Variants in HDAC9 observed in about 807,000 individuals in gnomAD.
HDAC9 encodes the protein MEF-2 interacting transcription repressor (MITR) protein.
A neutral mutation model predicts 139.4 loss-of-function variants in HDAC9; 41 were observed. The ratio of observed to expected loss-of-function variants is 0.29; its 90% CI spans 0.23 to 0.38. The LOEUF (loss-of-function observed/expected upper bound fraction) is 0.38. Ranked by LOEUF, HDAC9 falls within the 10% of genes least tolerant of loss-of-function variation. HDAC9 has a pLI of 1.00. For synonymous variants in HDAC9, 517 were observed against 476.2 expected, an observed-to-expected ratio of 1.09 and a Z score of -1.12; for missense variants, 1,147 against 1,297.0, an observed-to-expected ratio of 0.88 and a Z score of 1.78.
At position 18,996,136 on chromosome 7, in the gene HDAC9, A is replaced by G. The variant is rs368185963; in HGVS notation, c.*74A>G. Reference sequence around the variant, plus strand: ...TCCCCCCACCCCAGTACCCTCAGACATGTCTTGTCTGCTGCCTGGGTGGCA... The same window carrying G: ...TCCCCCCACCCCAGTACCCTCAGACGTGTCTTGTCTGCTGCCTGGGTGGCA... On this transcript the variant is annotated 3_prime_UTR_variant, in exon 26 of 26. Coordinates refer to ENST00000686413, the MANE Select transcript of HDAC9 (RefSeq NM_178425.4). 14 of 1,134,294 alleles carry G rather than the reference A, an allele frequency of 1.2e-5. No homozygotes were observed. In the African/African-American group the frequency reaches 1.8e-4, roughly 15 times the overall value. The allele number at this position is 1,134,294 out of a possible 1,614,324, so 70.3% of individuals were successfully genotyped here.
At chr7:18,718,261 G>A (rs901361101) in intron 12 of HDAC9, among the ~76,000 whole-genome samples, 3 of 151,922 alleles carry the variant, frequency 2.0e-5, no homozygotes, top group Non-Finnish European at 2.9e-5. Context: ...AGATGGAGTC[G>A]CGCTCTGTCC....
chr7:18,935,277 A>G (rs1220548522), intron 22 of HDAC9, among the ~76,000 whole-genome samples: 1 of 152,146 alleles, frequency 6.6e-6, no homozygotes, highest in Non-Finnish European at 1.5e-5. Flanking sequence ...CATATTTTGC[A>G]TTTATCAAAT....
intron 1 of HDAC9, among the ~76,000 whole-genome samples, chr7:18,307,009 A>G (rs1016369883): frequency 1.3e-5 from 2 of 151,596 alleles, no homozygotes; most frequent in Non-Finnish European, 2.9e-5. Flanking sequence ...CATGTATTCT[A>G]TCTATTAATG....
At chr7:18,784,094 C>T (rs1396374725) in intron 16 of HDAC9, among the ~76,000 whole-genome samples, 1 of 150,936 alleles carries the variant, frequency 6.6e-6, no homozygotes, top group Non-Finnish European at 1.5e-5. Context: ...ATCTGTACCC[C>T]TTCTATATTC....
At chr7:18,321,516 T>C (rs1800030108) in intron 1 of HDAC9, among the ~76,000 whole-genome samples, 1 of 152,200 alleles carries the variant, frequency 6.6e-6, no homozygotes, top group Admixed American at 6.6e-5. Flanking sequence ...TTTTATATGC[T>C]TTTTAAAAAA....
At chr7:18,447,554 T>C (rs915194167) in intron 1 of HDAC9, among the ~76,000 whole-genome samples, 6 of 152,208 alleles carry the variant, frequency 3.9e-5, no homozygotes, top group African/African-American at 1.4e-4. Context: ...TAGGTTATAA[T>C]TTGAAATACA....
intron 21 of HDAC9, among the ~76,000 whole-genome samples, chr7:18,870,564 G>C (rs1163335169): frequency 6.6e-6 from 1 of 152,060 alleles, no homozygotes; most frequent in East Asian, 1.9e-4. Flanking sequence ...TCATTTCAAA[G>C]TTTCTGTTAT....
At chr7:18,248,065 G>A (rs576395564) in intron 2 of HDAC9, among the ~76,000 whole-genome samples, 1 of 152,084 alleles carries the variant, frequency 6.6e-6, no homozygotes, top group Non-Finnish European at 1.5e-5. Context: ...TCATTTTAAG[G>A]CCTTTACAGT....
intron 16 of HDAC9, among the ~76,000 whole-genome samples, chr7:18,768,849 A>G (rs1254665606): frequency 6.6e-6 from 1 of 152,184 alleles, no homozygotes; most frequent in East Asian, 1.9e-4. Context: ...TAGAAACCAT[A>G]CTTTGAATAT....
chr7:18,531,296 C>A (rs898110161), intron 2 of HDAC9, among the ~76,000 whole-genome samples: 2 of 151,984 alleles, frequency 1.3e-5, no homozygotes, highest in Non-Finnish European at 1.5e-5. Context: ...AGTGGACTAG[C>A]AAACTGTAAG....
chr7:18,987,199 T>C (rs1313466802), intron 25 of HDAC9, among the ~76,000 whole-genome samples: 1 of 152,204 alleles, frequency 6.6e-6, no homozygotes, highest in Admixed American at 6.5e-5. Flanking sequence ...ATATTGGCTG[T>C]GGGTTTGTCA....
chr7:18,385,003 C>A (rs1785785362), intron 1 of HDAC9, among the ~76,000 whole-genome samples: 1 of 152,128 alleles, frequency 6.6e-6, no homozygotes, highest in Non-Finnish European at 1.5e-5. Flanking sequence ...TTACCTTTTG[C>A]AAATGTGAGA....
intron 1 of HDAC9, among the ~76,000 whole-genome samples, chr7:18,425,781 G>A (rs143501946): frequency 3.9e-5 from 6 of 152,290 alleles, no homozygotes; most frequent in African/African-American, 1.2e-4. Flanking sequence ...GCCCTTTCTA[G>A]AACGAACTGC....
intron 12 of HDAC9, among the ~76,000 whole-genome samples, chr7:18,680,689 C>T (rs1453560213): frequency 6.6e-6 from 1 of 151,946 alleles, no homozygotes; most frequent in African/African-American, 2.4e-5. Flanking sequence ...TTGTGTGTGG[C>T]CAGGCAGTGG....
At chr7:18,692,934 T>C (rs1432321565) in intron 12 of HDAC9, among the ~76,000 whole-genome samples, 1 of 152,108 alleles carries the variant, frequency 6.6e-6, no homozygotes, top group Non-Finnish European at 1.5e-5. Flanking sequence ...TAGCCGATGA[T>C]AAATACATTT....
chr7:18,256,748 A>G (rs1227000648), intron 2 of HDAC9, among the ~76,000 whole-genome samples: 1 of 152,100 alleles, frequency 6.6e-6, no homozygotes, highest in South Asian at 2.1e-4. Context: ...TTTATTTTCT[A>G]GTTCCATTGC....
chr7:18,740,314 C>T (rs951447351), intron 13 of HDAC9, among the ~76,000 whole-genome samples: 1 of 152,182 alleles, frequency 6.6e-6, no homozygotes, highest in African/African-American at 2.4e-5. Context: ...AACCAGGTAC[C>T]TCAGTTGGAA....
intron 1 of HDAC9, among the ~76,000 whole-genome samples, chr7:18,311,103 T>TGAC (rs746456418): frequency 5.1e-4 from 77 of 151,798 alleles, no homozygotes; most frequent in Non-Finnish European, 9.4e-4. Flanking sequence ...GTGATGATGA[T>TGAC]GATGATGATG....
Position 18,801,241 on chromosome 7 carries a change from A to G in HDAC9, c.2322+7789A>G, listed in dbSNP as rs534204222. Among the ~76,000 whole-genome samples, 4 of 152,138 alleles carry G rather than the reference A, an allele frequency of 2.6e-5. No individual in the cohort carries two copies. The South Asian group carries it at 8.3e-4, about 32-fold the overall frequency. On this transcript the variant is annotated intron_variant, in intron 17 of 25. Transcript: ENST00000686413. ...TTATGTTTACTACAGGCTATTGTAAATATTTTATATTTTGTGGAAGAAATT... is the reference window on the plus strand; with the variant it reads ...TTATGTTTACTACAGGCTATTGTAAGTATTTTATATTTTGTGGAAGAAATT...
Sources: allele counts gnomAD v4.1 joint callset (sites outside exome capture counted in the v4.1 genomes callset), GRCh38; gene constraint gnomAD v4.1.1; transcripts MANE v1.5; gene names NCBI Gene and HGNC (gene_info 2026-07-23, HGNC 2026-07-21).